Variants in NTRK3 observed in about 807,000 individuals in gnomAD.
The protein encoded by NTRK3 is NT-3 growth factor receptor.
A neutral mutation model predicts 91.7 loss-of-function variants in NTRK3; 24 were observed. That is an observed-to-expected ratio of 0.26 (90% CI 0.19 to 0.37). NTRK3 has a LOEUF of 0.37. NTRK3 is among the 10% of genes least tolerant of loss of function. The pLI is 1.00. For missense variants in NTRK3, 880 were observed against 1,068.9 expected (o/e 0.82, Z 2.46); for synonymous variants, 483 against 404.0 (o/e 1.20, Z -2.34).
At chr15:87,960,284 ACTTACCTCATGTTTATTTTTCAT>A (rs2072126365) in intron 14 of NTRK3, among the ~76,000 whole-genome samples, 2 of 152,180 alleles carry the variant, frequency 1.3e-5, no homozygotes, top group Non-Finnish European at 2.9e-5. Context: ...CTTCAATTCT[ACTTACCTCATGTTTATTTTTCAT>A]CTTACATGAA....
intron 17 of NTRK3, among the ~76,000 whole-genome samples, chr15:87,923,577 C>T (rs1196584611): frequency 6.6e-6 from 1 of 152,172 alleles, no homozygotes; most frequent in East Asian, 1.9e-4. Context: ...ATCTGAGTAT[C>T]TATTTGATAC....
chr15:88,254,933 T>G (rs1486415337), intron 3 of NTRK3, among the ~76,000 whole-genome samples: 1 of 152,042 alleles, frequency 6.6e-6, no homozygotes, highest in Non-Finnish European at 1.5e-5. Context: ...AGGAGCAGAC[T>G]CTCCAGTCCC....
chr15:88,217,670 C>T (rs2049900838), intron 3 of NTRK3, among the ~76,000 whole-genome samples: 1 of 152,084 alleles, frequency 6.6e-6, no homozygotes, highest in African/African-American at 2.4e-5. Flanking sequence ...TTTGGGAGAC[C>T]AGTTACACAG....
chr15:88,066,244 G>T (rs189307264), intron 13 of NTRK3, among the ~76,000 whole-genome samples: 8 of 152,328 alleles, frequency 5.3e-5, no homozygotes, highest in Admixed American at 4.6e-4. Context: ...GACATGTAGG[G>T]AGAATGATGG....
At chr15:87,881,847 G>C (rs1336433344) in intron 17 of NTRK3, among the ~76,000 whole-genome samples, 1 of 152,138 alleles carries the variant, frequency 6.6e-6, no homozygotes, top group Non-Finnish European at 1.5e-5. Flanking sequence ...ACCACTTGAA[G>C]AATTTTAGGA....
intron 3 of NTRK3, among the ~76,000 whole-genome samples, chr15:88,244,110 G>C (rs2052616443): frequency 6.6e-6 from 1 of 152,094 alleles, no homozygotes. Flanking sequence ...CCATGAATTG[G>C]AACCATAGAG....
intron 5 of NTRK3, among the ~76,000 whole-genome samples, chr15:88,155,137 A>G (rs1360402549): frequency 2.0e-5 from 3 of 152,224 alleles, no homozygotes; most frequent in African/African-American, 7.2e-5. Flanking sequence ...TACACCGCAG[A>G]GGTGATTAAG....
intron 1 of NTRK3, 53 bp downstream of exon 1, chr15:88,256,591 G>T (rs1433894969): frequency 4.2e-6 from 2 of 481,804 alleles, no homozygotes; most frequent in African/African-American, 4.1e-5. Context: ...AATTAAAACG[G>T]ACACACCACG....
At chr15:88,101,961 CAT>C (rs2050219655) in intron 13 of NTRK3, among the ~76,000 whole-genome samples, 1 of 152,046 alleles carries the variant, frequency 6.6e-6, no homozygotes, top group African/African-American at 2.4e-5. Context: ...CACATGTATA[CAT>C]ATGTAACAAA....
chr15:88,249,705 C>A (rs772465020), intron 3 of NTRK3, among the ~76,000 whole-genome samples: 7 of 152,190 alleles, frequency 4.6e-5, no homozygotes, highest in Non-Finnish European at 8.8e-5. Context: ...GTTAGCCTCA[C>A]TGGAGTCTTC....
chr15:88,063,812 G>A (rs1295032868), intron 13 of NTRK3, among the ~76,000 whole-genome samples: 1 of 152,226 alleles, frequency 6.6e-6, no homozygotes, highest in Non-Finnish European at 1.5e-5. Context: ...CTCCTGTCAT[G>A]AAAGGCCAAA....
At chr15:87,989,355 G>T (rs551710500) in intron 14 of NTRK3, among the ~76,000 whole-genome samples, 24 of 152,244 alleles carry the variant, frequency 1.6e-4, no homozygotes, top group African/African-American at 5.3e-4. Context: ...CCTTTGCAGG[G>T]ACATGGATGA....
intron 17 of NTRK3, among the ~76,000 whole-genome samples, chr15:87,917,647 G>A (rs972452160): frequency 6.6e-6 from 1 of 152,196 alleles, no homozygotes; most frequent in East Asian, 1.9e-4. Flanking sequence ...TTTGAATCAT[G>A]GGGGTGGATC....
intron 13 of NTRK3, among the ~76,000 whole-genome samples, chr15:88,063,455 T>G (rs2142520566): frequency 6.6e-6 from 1 of 152,314 alleles, no homozygotes; most frequent in South Asian, 2.1e-4. Flanking sequence ...CAGAAGCCAC[T>G]TTTCTCAGGA....
chr15:87,920,804 G>A (rs895511198), intron 17 of NTRK3, among the ~76,000 whole-genome samples: 3 of 152,162 alleles, frequency 2.0e-5, no homozygotes, highest in African/African-American at 7.2e-5. Context: ...TATCAAAGGA[G>A]AGACTGTGGG....
chr15:88,119,964 C>A (rs975600012), intron 13 of NTRK3, among the ~76,000 whole-genome samples: 2 of 152,204 alleles, frequency 1.3e-5, no homozygotes, highest in African/African-American at 4.8e-5. Context: ...CCCTGCTCTG[C>A]ACACATGGCT....
At chr15:88,090,313 T>C (rs554046730) in intron 13 of NTRK3, among the ~76,000 whole-genome samples, 20 of 152,186 alleles carry the variant, frequency 1.3e-4, no homozygotes, top group Non-Finnish European at 2.6e-4. Context: ...GACTGTTTTA[T>C]TTATTGCCAA....
intron 14 of NTRK3, among the ~76,000 whole-genome samples, chr15:87,980,219 G>A (rs2074103619): frequency 1.3e-5 from 2 of 152,194 alleles, no homozygotes; most frequent in Admixed American, 1.3e-4. Flanking sequence ...ATACAGCCAT[G>A]GACTGAGTTA....
At chr15:87,963,772 G>C (rs978904592) in intron 14 of NTRK3, among the ~76,000 whole-genome samples, 6 of 152,130 alleles carry the variant, frequency 3.9e-5, no homozygotes, top group African/African-American at 1.4e-4. Context: ...AGGAGCATCT[G>C]TATTACTCTT....
Sources: allele counts gnomAD v4.1 joint callset (sites outside exome capture counted in the v4.1 genomes callset), GRCh38; gene constraint gnomAD v4.1.1; transcripts MANE v1.5; gene names NCBI Gene and HGNC (gene_info 2026-07-23, HGNC 2026-07-21).